The following GRM5 variants were observed in gnomAD, a reference collection of about 807,000 sequenced individuals.
GRM5 encodes the protein metabotropic glutamate receptor 5.
GRM5 carries 19 observed loss-of-function variants against 83.1 expected under a neutral mutation model. The ratio of observed to expected loss-of-function variants is 0.23; its 90% CI spans 0.16 to 0.34. GRM5 has a LOEUF of 0.34. Ranked by LOEUF, GRM5 falls within the 10% of genes least tolerant of loss-of-function variation. The probability of loss-of-function intolerance (pLI) is 1.00; values close to 1 mark genes in which losing one functional copy is unlikely to be tolerated. For missense variants in GRM5, 1,160 were observed against 1,588.3 expected (o/e 0.73, Z 4.58); for synonymous variants, 675 against 633.6 (o/e 1.07, Z -0.98).
At chr11:88,891,223 G>A (rs889888011) in intron 2 of GRM5, among the ~76,000 whole-genome samples, 7 of 152,002 alleles carry the variant, frequency 4.6e-5, no homozygotes, top group African/African-American at 1.2e-4. Context: ...ATAAATTAAC[G>A]CAAAGGTAAA....
chr11:88,524,795 T>C (rs1224257930), intron 9 of GRM5, among the ~76,000 whole-genome samples: 1 of 152,252 alleles, frequency 6.6e-6, no homozygotes, highest in East Asian at 1.9e-4. Flanking sequence ...AGTCCACTAG[T>C]TTGGCAAGGC....
intron 2 of GRM5, among the ~76,000 whole-genome samples, chr11:88,916,456 G>C (rs1284262589): frequency 6.6e-6 from 1 of 152,056 alleles, no homozygotes; most frequent in East Asian, 1.9e-4. Context: ...CCTCCAAGGA[G>C]GAAGGATTTA....
intron 8 of GRM5, among the ~76,000 whole-genome samples, chr11:88,564,978 G>A (rs1942843072): frequency 1.3e-5 from 2 of 152,082 alleles, no homozygotes; most frequent in South Asian, 4.1e-4. Context: ...ACTTTCATGA[G>A]TAAAAGAAGA....
intron 2 of GRM5, among the ~76,000 whole-genome samples, chr11:88,881,119 A>C (rs985399378): frequency 6.6e-6 from 1 of 152,028 alleles, no homozygotes; most frequent in African/African-American, 2.4e-5. Flanking sequence ...ATTAAGTGAC[A>C]TGTATTTTTC....
At chr11:88,660,879 C>T (rs1243250242) in intron 3 of GRM5, among the ~76,000 whole-genome samples, 1 of 152,202 alleles carries the variant, frequency 6.6e-6, no homozygotes, top group African/African-American at 2.4e-5. Context: ...TGTAATTCAT[C>T]AAGCAGACAG....
At chr11:88,828,452 T>A (rs2097176179) in intron 3 of GRM5, among the ~76,000 whole-genome samples, 1 of 152,160 alleles carries the variant, frequency 6.6e-6, no homozygotes, top group African/African-American at 2.4e-5. Flanking sequence ...AAGTGTTTAC[T>A]TGGAACTGGA....
intron 2 of GRM5, among the ~76,000 whole-genome samples, chr11:88,979,208 C>T (rs541525545): frequency 6.6e-6 from 1 of 152,206 alleles, no homozygotes; most frequent in South Asian, 2.1e-4. Flanking sequence ...ATTAGTTTAT[C>T]CTGAGAAAAA....
intron 3 of GRM5, among the ~76,000 whole-genome samples, chr11:88,788,138 T>A (rs1795174228): frequency 6.6e-6 from 1 of 152,180 alleles, no homozygotes; most frequent in Non-Finnish European, 1.5e-5. Context: ...ATCTCCTTAT[T>A]CTTCTTTGCT....
intron 6 of GRM5, among the ~76,000 whole-genome samples, chr11:88,594,891 A>C (rs972423827): frequency 2.0e-5 from 3 of 152,206 alleles, no homozygotes; most frequent in African/African-American, 7.2e-5. Flanking sequence ...CTGTTTGATT[A>C]GCAAATAAAT....
chr11:88,784,475 C>A (rs561107492), intron 3 of GRM5, among the ~76,000 whole-genome samples: 29 of 152,094 alleles, frequency 1.9e-4, no homozygotes, highest in Non-Finnish European at 4.0e-4. Flanking sequence ...AAGTAATTTT[C>A]TTTGATAAGT....
rs1591483997 is a variant in GRM5 at position 88,745,819 on chromosome 11, T to A, written c.912-92416A>T. The stretch of plus-strand genomic sequence containing the variant: ...CTCTAGCAGCCAATCCACCTCAGCG[T>A]TTTTATTCAATCACTTTTTGCTCAT... On this transcript the variant is annotated intron_variant, in intron 3 of 9. Transcript: ENST00000305447. Among the ~76,000 whole-genome samples, 3 of 152,288 alleles carry A rather than the reference T, an allele frequency of 2.0e-5. No individual in the cohort carries two copies. In the East Asian group the frequency reaches 5.8e-4, roughly 29 times the overall value.
chr11:88,528,275 G>C (rs538953114), intron 8 of GRM5, among the ~76,000 whole-genome samples: 91 of 152,178 alleles, frequency 6.0e-4, no homozygotes, highest in Non-Finnish European at 1.2e-3. Flanking sequence ...TTCAATGCAA[G>C]CTGAAAATGG....
At chr11:88,581,662 G>A (rs779189933) in intron 7 of GRM5, among the ~76,000 whole-genome samples, 2 of 152,114 alleles carry the variant, frequency 1.3e-5, no homozygotes, top group Non-Finnish European at 2.9e-5. Flanking sequence ...AGTGCTTAGA[G>A]ACCTGGGAAT....
chr11:89,041,438 C>T (rs1239257925), intron 2 of GRM5, among the ~76,000 whole-genome samples: 1 of 152,178 alleles, frequency 6.6e-6, no homozygotes, highest in African/African-American at 2.4e-5. Context: ...CTATCCCAGG[C>T]ATTAGTCTCT....
At chr11:89,044,089 T>G (rs1941590404) in intron 2 of GRM5, among the ~76,000 whole-genome samples, 1 of 152,282 alleles carries the variant, frequency 6.6e-6, no homozygotes, top group South Asian at 2.1e-4. Context: ...ATCAATCCTG[T>G]GTCATCGTGG....
At chr11:89,023,981 T>C (rs1449946209) in intron 2 of GRM5, among the ~76,000 whole-genome samples, 1 of 152,082 alleles carries the variant, frequency 6.6e-6, no homozygotes, top group Non-Finnish European at 1.5e-5. Flanking sequence ...ATCCCAGCAC[T>C]TTGAGAGATG....
chr11:88,756,222 G>T (rs2135432898), intron 3 of GRM5, among the ~76,000 whole-genome samples: 1 of 152,216 alleles, frequency 6.6e-6, no homozygotes, highest in South Asian at 2.1e-4. Context: ...AGAAATACTA[G>T]TCATGAGTGG....
chr11:88,921,473 A>C (rs1945692066), intron 2 of GRM5, among the ~76,000 whole-genome samples: 1 of 151,528 alleles, frequency 6.6e-6, no homozygotes, highest in Non-Finnish European at 1.5e-5. Context: ...AAACAACAAC[A>C]AAAAAAATTA....
intron 2 of GRM5, among the ~76,000 whole-genome samples, chr11:89,046,825 G>A (rs937948895): frequency 2.0e-5 from 3 of 152,036 alleles, no homozygotes; most frequent in East Asian, 1.9e-4. Flanking sequence ...TTAACTATTA[G>A]AAACAATAGG....
Sources: allele counts gnomAD v4.1 joint callset (sites outside exome capture counted in the v4.1 genomes callset), GRCh38; gene constraint gnomAD v4.1.1; transcripts MANE v1.5; gene names NCBI Gene and HGNC (gene_info 2026-07-23, HGNC 2026-07-21).